DACH2: variants seen among roughly 807,000 people sequenced by gnomAD.
DACH2 encodes dachshund homolog 2.
A neutral mutation model predicts 35.8 loss-of-function variants in DACH2; 17 were observed. The observed-to-expected ratio is 0.48, with a 90% CI of 0.33 to 0.71. The LOEUF (loss-of-function observed/expected upper bound fraction) is 0.71, where lower values mean the gene tolerates loss of function less well. DACH2 is among the 30% of genes least tolerant of loss of function. The pLI, the probability that DACH2 is intolerant of heterozygous loss-of-function variation, is 0.02. For missense variants in DACH2, 469 were observed against 472.7 expected (o/e 0.99, Z 0.07); for synonymous variants, 195 against 177.3 (o/e 1.10, Z -0.79).
At chrX:86,442,958 T>G (rs1449557903) in intron 2 of DACH2, among the ~76,000 whole-genome samples, 1 of 112,185 alleles carries the variant, frequency 8.9e-6, no homozygotes, top group Non-Finnish European at 1.9e-5. Context: ...GCCAGTACCA[T>G]GCTGTTTTGG....
rs1347689421 is a variant in DACH2 at position 86,371,484 on chromosome X, ATG to A, written c.489-5336_489-5335del. ...TGTCTGGGCCTTGGTTCAAAAAATC[ATG>A]TGTTTGGAGATTTAACAGACAAAGC... On this transcript the variant is annotated intron_variant, in intron 1 of 11. Coordinates refer to ENST00000373125, the MANE Select transcript of DACH2 (RefSeq NM_053281.3). Among the ~76,000 whole-genome samples the A allele has an allele frequency of 1.7e-4, 19 of 111,181 alleles. 2 individuals carry two copies. The Admixed American group carries it at 1.7e-3, about 10-fold the overall frequency.
intron 1 of DACH2, among the ~76,000 whole-genome samples, chrX:86,221,615 G>A (rs2032712852): frequency 9.0e-6 from 1 of 111,525 alleles, no homozygotes; most frequent in Non-Finnish European, 1.9e-5. Flanking sequence ...GATTTTGATG[G>A]GTGTAACATT....
chrX:86,470,620 A>G (rs888085027), intron 2 of DACH2, among the ~76,000 whole-genome samples: 2 of 111,319 alleles, frequency 1.8e-5, no homozygotes, highest in Admixed American at 1.9e-4. Flanking sequence ...TGGATATTGG[A>G]GATTCCAAAA....
At chrX:86,467,712 A>C (rs933845982) in intron 2 of DACH2, among the ~76,000 whole-genome samples, 1 of 111,603 alleles carries the variant, frequency 9.0e-6, no homozygotes, top group Non-Finnish European at 1.9e-5. Context: ...GTAATTTATA[A>C]AGGAAAGCGG....
At chrX:86,762,299 A>T (rs2041891447) in intron 7 of DACH2, among the ~76,000 whole-genome samples, 1 of 111,680 alleles carries the variant, frequency 9.0e-6, no homozygotes, top group Admixed American at 9.5e-5. Context: ...TAGTGAAAAA[A>T]AAATCTGAAA....
chrX:86,168,756 G>T (rs1270566905), intron 1 of DACH2, among the ~76,000 whole-genome samples: 1 of 106,273 alleles, frequency 9.4e-6, no homozygotes, highest in Non-Finnish European at 1.9e-5. Flanking sequence ...ACTACACTTT[G>T]CATTAAAAAA....
At chrX:86,270,754 G>T (rs774576540) in intron 1 of DACH2, among the ~76,000 whole-genome samples, 1 of 111,734 alleles carries the variant, frequency 8.9e-6, no homozygotes, top group African/African-American at 3.2e-5. Context: ...TGGAAAGACA[G>T]GGTGTAGACT....
chrX:86,773,445 C>A (rs769575808), intron 7 of DACH2, among the ~76,000 whole-genome samples: 117 of 111,760 alleles, frequency 1.0e-3, no homozygotes, highest in African/African-American at 3.6e-3. Flanking sequence ...ATATATAATG[C>A]ATATACTTCA....
intron 1 of DACH2, among the ~76,000 whole-genome samples, chrX:86,236,639 A>G (rs2033062651): frequency 8.9e-6 from 1 of 112,188 alleles, no homozygotes; most frequent in Non-Finnish European, 1.9e-5. Flanking sequence ...TTGCAACACT[A>G]TGCTATTTGT....
intron 3 of DACH2, among the ~76,000 whole-genome samples, chrX:86,640,165 C>A (rs953667760): frequency 3.6e-5 from 4 of 110,774 alleles, no homozygotes; most frequent in African/African-American, 1.3e-4. Flanking sequence ...ATCTGGCAGG[C>A]CCTCCAGCCT....
chrX:86,345,873 G>T (rs1300000877), intron 1 of DACH2, among the ~76,000 whole-genome samples: 1 of 111,724 alleles, frequency 9.0e-6, no homozygotes, highest in African/African-American at 3.3e-5. Context: ...AAAGAACAGG[G>T]AAAAATACTG....
At chrX:86,511,723 A>G (rs2038399778) in intron 2 of DACH2, among the ~76,000 whole-genome samples, 1 of 111,617 alleles carries the variant, frequency 9.0e-6, no homozygotes, top group Non-Finnish European at 1.9e-5. Context: ...TGAATAAGTG[A>G]TATCGTTACT....
chrX:86,584,061 C>T (rs1345135686), intron 3 of DACH2, among the ~76,000 whole-genome samples: 1 of 109,935 alleles, frequency 9.1e-6, no homozygotes, highest in Non-Finnish European at 1.9e-5. Flanking sequence ...CACGTGGGCC[C>T]GGAGATTTGT....
At chrX:86,729,906 G>A (rs1235681413) in intron 6 of DACH2, among the ~76,000 whole-genome samples, 1 of 111,042 alleles carries the variant, frequency 9.0e-6, no homozygotes, top group South Asian at 3.8e-4. Context: ...AGAACCATGA[G>A]CCAATTACAT....
intron 2 of DACH2, among the ~76,000 whole-genome samples, chrX:86,499,989 A>G (rs2038227514): frequency 9.0e-6 from 1 of 111,465 alleles, no homozygotes; most frequent in South Asian, 3.8e-4. Flanking sequence ...TGAAGTTGGG[A>G]GTTGATGCAC....
chrX:86,572,027 A>C (rs2039377044), intron 3 of DACH2, among the ~76,000 whole-genome samples: 1 of 111,245 alleles, frequency 9.0e-6, no homozygotes, highest in Non-Finnish European at 1.9e-5. Flanking sequence ...ATTTTTTAAA[A>C]AAATTCAAAG....
intron 1 of DACH2, among the ~76,000 whole-genome samples, chrX:86,181,406 A>G (rs954742885): frequency 2.7e-5 from 3 of 109,381 alleles, no homozygotes; most frequent in Admixed American, 9.9e-5. Flanking sequence ...TCATTGTTCA[A>G]CTCCCATTTA....
chrX:86,216,613 T>C (rs1051538840), intron 1 of DACH2, among the ~76,000 whole-genome samples: 2 of 111,907 alleles, frequency 1.8e-5, no homozygotes, highest in Non-Finnish European at 3.8e-5. Flanking sequence ...AAAAGTTTCA[T>C]ATTTGAGAGA....
At chrX:86,576,430 A>G (rs1260036377) in intron 3 of DACH2, among the ~76,000 whole-genome samples, 2 of 111,696 alleles carry the variant, frequency 1.8e-5, no homozygotes, top group Non-Finnish European at 3.8e-5. Context: ...CTTTCCTTGA[A>G]TTCAACATAG....
Sources: gnomAD v4.1 joint callset for allele counts (sites outside exome capture counted in the v4.1 genomes callset) on GRCh38, gnomAD v4.1.1 for gene constraint, MANE v1.5 for transcripts, NCBI Gene and HGNC (gene_info 2026-07-23, HGNC 2026-07-21) for gene names.